The following SPHKAP variants were observed in gnomAD, a reference collection of about 807,000 sequenced individuals.
SPHKAP encodes the protein SPHK1 interactor, AKAP domain containing, also known as A-kinase anchor protein SPHKAP.
Under a neutral mutation model 137.5 loss-of-function variants are expected in SPHKAP, and 67 were observed. The observed-to-expected ratio is 0.49, with a 90% confidence interval of 0.40 to 0.60. The LOEUF (loss-of-function observed/expected upper bound fraction) is 0.60, where lower values mean the gene tolerates loss of function less well. Ranked by LOEUF, SPHKAP falls within the 20% of genes least tolerant of loss-of-function variation. SPHKAP has a pLI of 0.00. For missense variants in SPHKAP, 2,097 were observed against 2,069.3 expected (o/e 1.01, Z -0.26); for synonymous variants, 813 against 785.3 (o/e 1.04, Z -0.59).
chr2:228,057,321 A>G (rs1696481763), intron 3 of SPHKAP, among the ~76,000 whole-genome samples: 1 of 152,202 alleles, frequency 6.6e-6, no homozygotes, highest in Non-Finnish European at 1.5e-5. Context: ...TGAGGATAGT[A>G]GGCAATAAAA....
intron 7 of SPHKAP, among the ~76,000 whole-genome samples, chr2:228,011,234 T>G (rs963951322): frequency 1.3e-5 from 2 of 150,702 alleles, no homozygotes; most frequent in African/African-American, 5.0e-5. Context: ...GATGCCTTTT[T>G]TTTTTTTTTT....
Position 228,018,255 on chromosome 2 carries a change from G to T in SPHKAP, c.2599C>A (p.Gln867Lys), listed in dbSNP as rs867742232. 1.2e-6 allele frequency: 2 copies of T among 1,614,148 alleles called. No individual in the cohort carries two copies. Among genetic ancestry groups the T allele is most frequent in the East Asian group, 4.5e-5 (2 of 44,862 alleles). Residue 867 changes from glutamine (Q) to lysine (K), a missense_variant, in exon 7 of 12, where the codon CAG (glutamine) becomes AAG (lysine). By Grantham distance (53) the Gln-to-Lys change is moderately conservative. Coordinates refer to ENST00000392056, the MANE Select transcript of SPHKAP (RefSeq NM_001142644.2). ...GCCTCCTGGGAACCACTTCTGGACT[G>T]GCTGACCGTTGGGGACCTTTGTCCT... is the stretch of plus-strand genomic sequence containing the variant. ...SEGQRSPTVS[Q>K]SRSGSQEAEE...
intron 9 of SPHKAP, among the ~76,000 whole-genome samples, chr2:227,992,289 TTTCA>T (rs1401173534): frequency 1.3e-5 from 2 of 152,220 alleles, no homozygotes; most frequent in African/African-American, 2.4e-5. Context: ...ATAGTAATTC[TTTCA>T]TTCATACTTA....
At position 228,011,482 on chromosome 2, in the gene SPHKAP, C is replaced by CT. The variant is rs768919539; in HGVS notation, c.4448+4923dup. ...ATTTACTACCTTTTCAAATTCTTTC[C>CT]TTTTTTAACCTCTGAAATTTCTATA... On this transcript the variant is annotated intron_variant, in intron 7 of 11. Transcript: ENST00000392056. Among the ~76,000 whole-genome samples, 42 of 152,254 alleles carry CT rather than the reference C, an allele frequency of 2.8e-4. 1 individual carries two copies. Among genetic ancestry groups the CT allele is most frequent in the Admixed American group, 2.3e-3 (35 of 15,292 alleles).
chr2:228,073,461 A>G (rs138387158), intron 3 of SPHKAP, among the ~76,000 whole-genome samples: 1 of 152,210 alleles, frequency 6.6e-6, no homozygotes, highest in African/African-American at 2.4e-5. Context: ...AGGGGATAGA[A>G]GATGGAGGAA....
At position 228,025,462 on chromosome 2, in the gene SPHKAP, CT is replaced by C; in HGVS notation, c.372del (p.Glu125LysfsTer7). 1 of 1,613,876 alleles carries C rather than the reference CT, an allele frequency of 6.2e-7. No individual in the cohort carries two copies. Among genetic ancestry groups the C allele is most frequent in the Non-Finnish European group, 8.5e-7 (1 of 1,179,896 alleles). ...CCACTTAGGACAACAATTTCATTTT[CT>C]TTTGGTTGTTGGACATTCATGGAAC... ...LISSMNVQQP[K>X]ENEIVVLSGL... On this transcript the variant is annotated frameshift_variant, in exon 5 of 12. Coordinates refer to ENST00000392056, the MANE Select transcript of SPHKAP (RefSeq NM_001142644.2). LOFTEE classifies it high-confidence loss of function.
At chr2:228,033,470 C>T (rs889192318) in intron 3 of SPHKAP, among the ~76,000 whole-genome samples, 3 of 152,094 alleles carry the variant, frequency 2.0e-5, no homozygotes, top group Admixed American at 6.6e-5. Flanking sequence ...GACAGATCAA[C>T]GAGACAGAAA....
intron 1 of SPHKAP, among the ~76,000 whole-genome samples, chr2:228,146,786 T>C (rs549065875): frequency 6.6e-6 from 1 of 152,384 alleles, no homozygotes; most frequent in East Asian, 1.9e-4. Context: ...TACCACATTT[T>C]CTTTAACCAA....
chr2:228,179,971 T>C (rs1700849843), intron 1 of SPHKAP, among the ~76,000 whole-genome samples: 1 of 152,250 alleles, frequency 6.6e-6, no homozygotes, highest in South Asian at 2.1e-4. Context: ...TCAATTCTAA[T>C]GACCATTTGC....
intron 3 of SPHKAP, among the ~76,000 whole-genome samples, chr2:228,045,738 TAAAGTA>T (rs1378720275): frequency 1.3e-5 from 2 of 151,494 alleles, no homozygotes; most frequent in African/African-American, 4.9e-5. Context: ...CCCTAAAACT[TAAAGTA>T]TAATAATAAT....
intron 3 of SPHKAP, among the ~76,000 whole-genome samples, chr2:228,091,516 C>T (rs568958913): frequency 2.3e-4 from 35 of 152,284 alleles, no homozygotes; most frequent in African/African-American, 6.5e-4. Flanking sequence ...ACAATCTATA[C>T]ACCTGACAAA....
chr2:227,992,927 A>G lies in SPHKAP; in HGVS notation c.4721+607T>C, dbSNP rs536241747. Among the ~76,000 whole-genome samples, 307 of 152,356 alleles carry G rather than the reference A, an allele frequency of 2.0e-3. 1 individual carries two copies. The highest frequency in any genetic ancestry group is 2.9e-3 in the Non-Finnish European group (199 of 68,050). On this transcript the variant is annotated intron_variant, in intron 9 of 11. Transcript: ENST00000392056. The stretch of plus-strand genomic sequence containing the variant: ...TTCCAGAATAACCACATATTCTAGA[A>G]GTAGTCCCGACCTCATGCTGCCCTC...
intron 3 of SPHKAP, among the ~76,000 whole-genome samples, chr2:228,037,871 T>C (rs989313661): frequency 4.6e-5 from 7 of 152,204 alleles, no homozygotes; most frequent in African/African-American, 7.2e-5. Flanking sequence ...AATCCACTTC[T>C]TGATGAAATA....
intron 11 of SPHKAP, among the ~76,000 whole-genome samples, chr2:227,983,075 T>G (rs1368748007): frequency 6.6e-6 from 1 of 152,254 alleles, no homozygotes; most frequent in Non-Finnish European, 1.5e-5. Flanking sequence ...GTTCAGTTAC[T>G]ATTTCTTCAA....
intron 3 of SPHKAP, among the ~76,000 whole-genome samples, chr2:228,089,221 G>T (rs117009174): frequency 6.6e-6 from 1 of 152,188 alleles, no homozygotes; most frequent in Non-Finnish European, 1.5e-5. Flanking sequence ...TGGAGCAAAG[G>T]TCACACTTGT....
chr2:228,071,727 T>C (rs1183407085), intron 3 of SPHKAP, among the ~76,000 whole-genome samples: 2 of 152,184 alleles, frequency 1.3e-5, no homozygotes, highest in African/African-American at 4.8e-5. Context: ...TTAATTTACC[T>C]TGGAGTGGTG....
chr2:228,177,019 C>T (rs1005482604), intron 1 of SPHKAP, among the ~76,000 whole-genome samples: 4 of 152,132 alleles, frequency 2.6e-5, no homozygotes, highest in Non-Finnish European at 5.9e-5. Context: ...ATGAGTAGCA[C>T]TAGCCAAAGG....
intron 1 of SPHKAP, among the ~76,000 whole-genome samples, chr2:228,160,914 T>A (rs181601171): frequency 7.9e-5 from 12 of 152,358 alleles, no homozygotes; most frequent in Non-Finnish European, 1.8e-4. Context: ...TTATGTTTCA[T>A]TTATTTGTCT....
chr2:228,096,630 CTGTG>C (rs59745287), intron 3 of SPHKAP, among the ~76,000 whole-genome samples: 33,196 of 148,694 alleles, frequency 0.22, 3,907 homozygotes, highest in African/African-American at 0.3. Flanking sequence ...CAGGGGTCAA[CTGTG>C]TGTGTGTGTG....
Sources: gnomAD v4.1 joint callset for allele counts (sites outside exome capture counted in the v4.1 genomes callset) on GRCh38, gnomAD v4.1.1 for gene constraint, MANE v1.5 for transcripts, NCBI Gene and HGNC (gene_info 2026-07-23, HGNC 2026-07-21) for gene names.